RBFOX1: variants seen among roughly 807,000 people sequenced by gnomAD.
RBFOX1 encodes RNA binding fox-1 homolog 1.
Under a neutral mutation model 57.7 loss-of-function variants are expected in RBFOX1, and 8 were observed. The ratio of observed to expected loss-of-function variants is 0.14; its 90% CI spans 0.08 to 0.25. RBFOX1 has a LOEUF of 0.25. Ranked by LOEUF, RBFOX1 falls within the 10% of genes least tolerant of loss-of-function variation. The pLI is 1.00. For missense variants in RBFOX1, 611 were observed against 548.5 expected (o/e 1.11, Z -1.14); for synonymous variants, 326 against 222.4 (o/e 1.47, Z -4.15).
At chr16:7,710,012 G>C (rs1333223701) in intron 15 of RBFOX1, 2 of 1,008,546 alleles carry the variant, frequency 2.0e-6, no homozygotes. Flanking sequence ...GTGCCACCTT[G>C]TAGCCATTAA....
At chr16:6,847,913 C>G (rs181332447) in intron 3 of RBFOX1, among the ~76,000 whole-genome samples, 118 of 152,148 alleles carry the variant, frequency 7.8e-4, no homozygotes, top group South Asian at 4.6e-3. Flanking sequence ...TCTTGGCTCA[C>G]TGCAACCTCT....
chr16:7,653,676 A>G (rs2065609371), intron 11 of RBFOX1, 139 bp from the exon 12 acceptor site: 1 of 1,268,140 alleles, frequency 7.9e-7, no homozygotes. Context: ...CTGCTTTTTA[A>G]CCTCTTGATT....
intron 4 of RBFOX1, among the ~76,000 whole-genome samples, chr16:7,513,788 A>G (rs774881051): frequency 6.6e-6 from 1 of 152,212 alleles, no homozygotes; most frequent in Non-Finnish European, 1.5e-5. Flanking sequence ...GTCTGAGGCC[A>G]TCATGAACCT....
chr16:7,490,093 C>T (rs1414599455), intron 4 of RBFOX1, among the ~76,000 whole-genome samples: 2 of 152,164 alleles, frequency 1.3e-5, no homozygotes, highest in Non-Finnish European at 2.9e-5. Context: ...ATTTAGTGAA[C>T]ATCTTTGCCA....
intron 1 of RBFOX1, among the ~76,000 whole-genome samples, chr16:5,454,845 CTT>C (rs201097346): frequency 1.3e-5 from 1 of 77,994 alleles, no homozygotes; most frequent in South Asian, 4.0e-4. Context: ...TCTTTCCTTT[CTT>C]TCTTTCTTTT....
intron 3 of RBFOX1, among the ~76,000 whole-genome samples, chr16:6,694,140 A>C (rs1358776293): frequency 1.3e-5 from 2 of 152,216 alleles, no homozygotes; most frequent in South Asian, 2.1e-4. Context: ...TAACCTCATC[A>C]TGACTCTGCC....
intron 3 of RBFOX1, among the ~76,000 whole-genome samples, chr16:5,608,532 C>T (rs913899747): frequency 2.0e-5 from 3 of 152,226 alleles, no homozygotes; most frequent in Admixed American, 1.3e-4. Flanking sequence ...TAACTTTTCT[C>T]ATCTGTAACA....
At chr16:5,774,647 C>T (rs1439506623) in intron 3 of RBFOX1, among the ~76,000 whole-genome samples, 5 of 152,148 alleles carry the variant, frequency 3.3e-5, no homozygotes, top group African/African-American at 4.8e-5. Flanking sequence ...CTTTGGGATA[C>T]CAGCAGCATT....
chr16:6,645,171 A>T (rs1263447683), intron 2 of RBFOX1, among the ~76,000 whole-genome samples: 1 of 152,164 alleles, frequency 6.6e-6, no homozygotes, highest in East Asian at 1.9e-4. Context: ...TCTGTCTCTT[A>T]AAAGGATACT....
intron 4 of RBFOX1, among the ~76,000 whole-genome samples, chr16:7,338,893 T>A (rs538260711): frequency 6.6e-6 from 1 of 152,192 alleles, no homozygotes; most frequent in African/African-American, 2.4e-5. Context: ...CGATTTTATC[T>A]CCATGTTTGG....
chr16:6,763,723 T>A (rs2076949760), intron 3 of RBFOX1, among the ~76,000 whole-genome samples: 1 of 152,254 alleles, frequency 6.6e-6, no homozygotes, highest in African/African-American at 2.4e-5. Context: ...TTTAGCCTGA[T>A]AGCACGTTTA....
intron 4 of RBFOX1, among the ~76,000 whole-genome samples, chr16:7,122,968 A>C (rs1316889693): frequency 6.6e-6 from 1 of 152,084 alleles, no homozygotes; most frequent in African/African-American, 2.4e-5. Flanking sequence ...TAGTGTATAA[A>C]TCCATTCCTA....
chr16:7,463,824 C>G (rs934627731), intron 4 of RBFOX1, among the ~76,000 whole-genome samples: 29 of 152,178 alleles, frequency 1.9e-4, no homozygotes, highest in African/African-American at 6.8e-4. Flanking sequence ...AAATGTCACT[C>G]TATACCAGCC....
intron 2 of RBFOX1, among the ~76,000 whole-genome samples, chr16:6,417,731 A>C (rs1267824705): frequency 6.7e-6 from 1 of 150,298 alleles, no homozygotes; most frequent in African/African-American, 2.4e-5. Flanking sequence ...ATTAAGTTCA[A>C]GGGTATAAGT....
At chr16:7,661,065 G>A (rs1409964147) in intron 12 of RBFOX1, among the ~76,000 whole-genome samples, 1 of 152,218 alleles carries the variant, frequency 6.6e-6, no homozygotes, top group Non-Finnish European at 1.5e-5. Flanking sequence ...TTCTGCAAAT[G>A]TGAGTAGTGG....
intron 4 of RBFOX1, among the ~76,000 whole-genome samples, chr16:5,939,083 T>C (rs573033440): frequency 1.3e-4 from 20 of 150,126 alleles, no homozygotes; most frequent in African/African-American, 4.7e-4. Context: ...CACACACCAC[T>C]GCGTGTCGTG....
intron 4 of RBFOX1, among the ~76,000 whole-genome samples, chr16:5,937,766 T>C (rs1047535105): frequency 2.0e-5 from 3 of 149,214 alleles, no homozygotes; most frequent in South Asian, 2.1e-4. Context: ...GATACAAATA[T>C]ATGTATATAA....
intron 3 of RBFOX1, among the ~76,000 whole-genome samples, chr16:6,899,501 C>A (rs886580569): frequency 6.6e-6 from 1 of 152,142 alleles, no homozygotes; most frequent in Non-Finnish European, 1.5e-5. Context: ...CTTACTATAC[C>A]ATCTTGAGTG....
At chr16:6,444,186 G>T (rs28691667) in intron 2 of RBFOX1, among the ~76,000 whole-genome samples, 2,263 of 152,176 alleles carry the variant, frequency 0.015, 50 homozygotes, top group African/African-American at 0.051. Flanking sequence ...GGTTTTGTCA[G>T]TGTGCACTGG....
Sources: gnomAD v4.1 joint callset for allele counts (sites outside exome capture counted in the v4.1 genomes callset) on GRCh38, gnomAD v4.1.1 for gene constraint, MANE v1.5 for transcripts, NCBI Gene and HGNC (gene_info 2026-07-23, HGNC 2026-07-21) for gene names.